Variants in DENND1A observed in about 807,000 individuals in gnomAD.
DENND1A encodes DENN domain-containing protein 1A.
A neutral mutation model predicts 113.7 loss-of-function variants in DENND1A; 51 were observed. The observed-to-expected ratio is 0.45, with a 90% CI of 0.36 to 0.57. The LOEUF (loss-of-function observed/expected upper bound fraction) is 0.57. Among genes scored for constraint, DENND1A ranks in the 20% least tolerant of loss-of-function variants. DENND1A has a pLI of 0.00. For synonymous variants in DENND1A, 565 were observed against 570.8 expected, an observed-to-expected ratio of 0.99 and a Z score of 0.14; for missense variants, 1,258 against 1,395.9, an observed-to-expected ratio of 0.90 and a Z score of 1.57.
chr9:123,664,486 T>C (rs991635059), intron 8 of DENND1A, among the ~76,000 whole-genome samples: 2 of 151,912 alleles, frequency 1.3e-5, no homozygotes, highest in Non-Finnish European at 2.9e-5. Flanking sequence ...CTTTTTCTAG[T>C]TTTGGTTATT....
chr9:123,503,348 T>C lies in DENND1A; in HGVS notation c.994-45451A>G, dbSNP rs578183272. Among the ~76,000 whole-genome samples, 17 of 152,328 alleles carry C rather than the reference T, an allele frequency of 1.1e-4. No homozygotes were observed. The South Asian group carries it at 3.5e-3, about 32-fold the overall frequency. ...TAGCTGGGAGTGTATTTAAGAGTAC[T>C]TCGCACAGCCCCTGGCACTGGTATG... On this transcript the variant is annotated intron_variant, in intron 13 of 23. Coordinates refer to ENST00000394215, the MANE Select transcript of DENND1A (RefSeq NM_001352964.2).
intron 5 of DENND1A, among the ~76,000 whole-genome samples, chr9:123,712,335 A>G (rs1286208618): frequency 6.6e-6 from 1 of 152,240 alleles, no homozygotes; most frequent in African/African-American, 2.4e-5. Context: ...CATTCAATAC[A>G]TATTTACATA....
chr9:123,539,091 T>C (rs2056079769), intron 13 of DENND1A, among the ~76,000 whole-genome samples: 1 of 152,012 alleles, frequency 6.6e-6, no homozygotes. Flanking sequence ...AATATCACCA[T>C]TTTTCAACTC....
intron 19 of DENND1A, among the ~76,000 whole-genome samples, chr9:123,432,644 A>G (rs1052181147): frequency 6.6e-6 from 1 of 152,226 alleles, no homozygotes; most frequent in African/African-American, 2.4e-5. Context: ...CTTTGGAAAC[A>G]ACAGGGGTTG....
intron 20 of DENND1A, chr9:123,403,700 A>G: frequency 1.8e-6 from 1 of 564,800 alleles, no homozygotes; most frequent in Non-Finnish European, 3.2e-6. Flanking sequence ...GCCTATTCAA[A>G]TCAGAAGGGT....
At chr9:123,529,913 T>G (rs1420036361) in intron 13 of DENND1A, among the ~76,000 whole-genome samples, 2 of 152,240 alleles carry the variant, frequency 1.3e-5, no homozygotes, top group Non-Finnish European at 2.9e-5. Flanking sequence ...TACTAGCTAT[T>G]TTACCTCGGG....
At chr9:123,888,420 G>C (rs531751963) in intron 1 of DENND1A, among the ~76,000 whole-genome samples, 1 of 152,318 alleles carries the variant, frequency 6.6e-6, no homozygotes, top group Non-Finnish European at 1.5e-5. Flanking sequence ...CAGTTTCAAA[G>C]TACCTCCCCC....
intron 17 of DENND1A, 67 bp from the exon 18 acceptor site, chr9:123,450,816 A>G (rs1446612330): frequency 1.5e-6 from 2 of 1,351,366 alleles, no homozygotes; most frequent in African/African-American, 2.9e-5. Context: ...GCTTGATTTC[A>G]GTCCATCGAG....
At chr9:123,910,617 T>C (rs1032676426) in intron 1 of DENND1A, among the ~76,000 whole-genome samples, 5 of 152,202 alleles carry the variant, frequency 3.3e-5, no homozygotes, top group Non-Finnish European at 7.3e-5. Flanking sequence ...ATCAATAAAA[T>C]AGACTTAAGA....
intron 2 of DENND1A, among the ~76,000 whole-genome samples, chr9:123,842,423 A>G (rs1444550805): frequency 6.6e-6 from 1 of 152,214 alleles, no homozygotes; most frequent in Non-Finnish European, 1.5e-5. Flanking sequence ...AGAAAATATT[A>G]ATGTTACAGC....
intron 12 of DENND1A, among the ~76,000 whole-genome samples, chr9:123,573,686 A>G (rs1319690035): frequency 6.6e-6 from 1 of 152,108 alleles, no homozygotes; most frequent in African/African-American, 2.4e-5. Flanking sequence ...ACTCCTTAGA[A>G]TTTTCCATAT....
At chr9:123,700,567 A>G (rs189053467) in intron 5 of DENND1A, among the ~76,000 whole-genome samples, 1 of 152,344 alleles carries the variant, frequency 6.6e-6, no homozygotes, top group East Asian at 1.9e-4. Context: ...TTTTTAAATT[A>G]CAGTCTTGAA....
In DENND1A at chr9:123,381,072, C is replaced by A. The variant is rs1296383428; in HGVS notation, c.*360G>T. 8 of 241,454 alleles carry A rather than the reference C, an allele frequency of 3.3e-5. No individual in the cohort carries two copies. In the South Asian group the frequency reaches 4.7e-4, roughly 14 times the overall value. The allele number at this position is 241,454 out of a possible 1,614,324, so 15.0% of individuals were successfully genotyped here. A position where few individuals can be genotyped will look rare whatever the true frequency, so the allele number is the denominator to read the frequency against. On this transcript the variant is annotated 3_prime_UTR_variant, in exon 24 of 24. Coordinates refer to ENST00000394215, the MANE Select transcript of DENND1A (RefSeq NM_001352964.2). The surrounding 1 kb of genome is among the most constrained non-coding windows in gnomAD (Gnocchi z 4.7). ...AGGAGAGCTGGGCTCGGAGGGGAGGCCTTCGGAGCCTCTTGGGACACTTCC... is the reference window on the plus strand; with the variant it reads ...AGGAGAGCTGGGCTCGGAGGGGAGGACTTCGGAGCCTCTTGGGACACTTCC...
chr9:123,473,986 CTTTTTTTTTTTTTTTTT>C (rs5900577), intron 13 of DENND1A, among the ~76,000 whole-genome samples: 3 of 70,710 alleles, frequency 4.2e-5, no homozygotes, highest in Admixed American at 2.0e-4. Flanking sequence ...TACTTTCTTT[CTTTTTTTTTTTTTTTTT>C]TTTTTTTTTG....
At chr9:123,418,897 T>G (rs1380134078) in intron 19 of DENND1A, among the ~76,000 whole-genome samples, 1 of 152,198 alleles carries the variant, frequency 6.6e-6, no homozygotes, top group Non-Finnish European at 1.5e-5. Flanking sequence ...ATGATGTTTG[T>G]GCATGGGGCA....
At chr9:123,919,028 T>C (rs1194041393) in intron 1 of DENND1A, among the ~76,000 whole-genome samples, 1 of 152,086 alleles carries the variant, frequency 6.6e-6, no homozygotes, top group Non-Finnish European at 1.5e-5. Flanking sequence ...AATAACCCAG[T>C]TCTTCAAAAA....
At chr9:123,711,677 T>C (rs1483604365) in intron 5 of DENND1A, among the ~76,000 whole-genome samples, 3 of 151,744 alleles carry the variant, frequency 2.0e-5, no homozygotes, top group Non-Finnish European at 4.4e-5. Flanking sequence ...TTCAATGACC[T>C]CATCATTCTG....
chr9:123,579,168 T>C (rs2058766498), intron 12 of DENND1A, among the ~76,000 whole-genome samples: 1 of 152,062 alleles, frequency 6.6e-6, no homozygotes, highest in African/African-American at 2.4e-5. Flanking sequence ...CTACTGTCGA[T>C]TGTGCTGATA....
At chr9:123,804,274 G>A (rs1156652587) in intron 2 of DENND1A, among the ~76,000 whole-genome samples, 4 of 152,136 alleles carry the variant, frequency 2.6e-5, no homozygotes, top group African/African-American at 9.7e-5. Flanking sequence ...TGATTGTGAG[G>A]CCTCCCCAGG....
Sources: allele counts gnomAD v4.1 joint callset (sites outside exome capture counted in the v4.1 genomes callset), GRCh38; gene constraint gnomAD v4.1.1; non-coding constraint Gnocchi (gnomAD v3.1); transcripts MANE v1.5; gene names NCBI Gene and HGNC (gene_info 2026-07-23, HGNC 2026-07-21).